Variants in NXPH1 observed in about 807,000 individuals in gnomAD.
The protein encoded by NXPH1 is neurexophilin 1.
NXPH1 carries 5 observed loss-of-function variants against 23.7 expected under a neutral mutation model. The ratio of observed to expected loss-of-function variants is 0.21; its 90% CI spans 0.11 to 0.44. The LOEUF is 0.44. Among genes scored for constraint, NXPH1 ranks in the 20% least tolerant of loss-of-function variants. The pLI is 0.99. For missense variants in NXPH1, 324 were observed against 321.6 expected (o/e 1.01, Z -0.06); for synonymous variants, 144 against 122.2 (o/e 1.18, Z -1.18).
chr7:8,547,837 TC>T (rs1182239650), intron 2 of NXPH1, among the ~76,000 whole-genome samples: 1 of 151,546 alleles, frequency 6.6e-6, no homozygotes, highest in Non-Finnish European at 1.5e-5. Flanking sequence ...AATTCTTTTT[TC>T]ATGGCTGCAT....
chr7:8,608,683 C>T (rs1226391477), intron 2 of NXPH1, among the ~76,000 whole-genome samples: 1 of 152,138 alleles, frequency 6.6e-6, no homozygotes, highest in South Asian at 2.1e-4. Flanking sequence ...TTTTGTGCGT[C>T]ATATGACACT....
At chr7:8,744,770 A>G in intron 2 of NXPH1, among the ~76,000 whole-genome samples, 1 of 152,068 alleles carries the variant, frequency 6.6e-6, no homozygotes, top group South Asian at 2.1e-4. Flanking sequence ...AGCTTTCTCA[A>G]CCTTTTTTAT....
intron 2 of NXPH1, among the ~76,000 whole-genome samples, chr7:8,448,381 A>C (rs1001844613): frequency 6.6e-6 from 1 of 152,238 alleles, no homozygotes; most frequent in Admixed American, 6.5e-5. Flanking sequence ...TGAATATGAC[A>C]CAGAAGGGCT....
intron 2 of NXPH1, among the ~76,000 whole-genome samples, chr7:8,734,981 A>G (rs1170223097): frequency 6.6e-6 from 1 of 152,198 alleles, no homozygotes. Flanking sequence ...TGATTTTTGC[A>G]CATTGATTTT....
intron 2 of NXPH1, among the ~76,000 whole-genome samples, chr7:8,582,252 C>T (rs770536067): frequency 2.6e-5 from 4 of 152,204 alleles, no homozygotes; most frequent in Non-Finnish European, 4.4e-5. Context: ...CTGAGAGCCT[C>T]CAGGTCTGGT....
chr7:8,642,633 A>AT (rs997025922), intron 2 of NXPH1, among the ~76,000 whole-genome samples: 1 of 151,950 alleles, frequency 6.6e-6, no homozygotes, highest in Non-Finnish European at 1.5e-5. Context: ...TTTTTTGTTG[A>AT]TTTTCTTGGA....
intron 2 of NXPH1, among the ~76,000 whole-genome samples, chr7:8,620,014 C>T (rs373881257): frequency 1.3e-5 from 2 of 152,134 alleles, no homozygotes; most frequent in Non-Finnish European, 1.5e-5. Context: ...TTTCCATCCA[C>T]GTACTGCTGT....
intron 2 of NXPH1, among the ~76,000 whole-genome samples, chr7:8,552,228 A>G (rs1226852176): frequency 7.3e-5 from 11 of 151,250 alleles, no homozygotes; most frequent in Non-Finnish European, 1.5e-4. Context: ...CAGGAGTACT[A>G]CTGCTGACAA....
rs778831003 is a variant in NXPH1 at position 8,442,804 on chromosome 7, C to T, written c.54+7037C>T. ...GCCCTCTCGCGTCCGGAGCCCAAGT[C>T]CCCATGCAAAAGCGCTGTTTCTGGG... On this transcript the variant is annotated intron_variant, in intron 2 of 2. Transcript: ENST00000405863. This position sits in a 1 kb window ranked among gnomAD's most constrained non-coding sequence, Gnocchi z 4.6. 2.0e-5 allele frequency among the ~76,000 whole-genome samples: 3 copies of T among 152,218 alleles called. No homozygotes were observed. The highest frequency in any genetic ancestry group is 4.4e-5 in the Non-Finnish European group (3 of 68,022).
chr7:8,730,670 C>A (rs980407275), intron 2 of NXPH1, among the ~76,000 whole-genome samples: 4 of 152,128 alleles, frequency 2.6e-5, no homozygotes, highest in African/African-American at 9.7e-5. Flanking sequence ...ATATTGGCCC[C>A]CACTCTCTTC....
At chr7:8,668,818 G>A (rs750731326) in intron 2 of NXPH1, among the ~76,000 whole-genome samples, 7 of 152,224 alleles carry the variant, frequency 4.6e-5, no homozygotes, top group Non-Finnish European at 1.0e-4. Context: ...CCTGGAGCCT[G>A]GGTCTGCAGG....
intron 2 of NXPH1, among the ~76,000 whole-genome samples, chr7:8,600,023 A>G (rs142850442): frequency 6.6e-6 from 1 of 152,176 alleles, no homozygotes; most frequent in East Asian, 1.9e-4. Context: ...TAGTTGAAGG[A>G]GGGAAGGTGG....
intron 2 of NXPH1, among the ~76,000 whole-genome samples, chr7:8,703,586 A>G (rs1779660092): frequency 6.6e-6 from 1 of 152,056 alleles, no homozygotes; most frequent in South Asian, 2.1e-4. Flanking sequence ...GTGGCGCTCA[A>G]TTAAATTATT....
At chr7:8,704,771 G>A (rs193140569) in intron 2 of NXPH1, among the ~76,000 whole-genome samples, 5 of 151,850 alleles carry the variant, frequency 3.3e-5, no homozygotes, top group Admixed American at 3.3e-4. Context: ...AGATAAAATT[G>A]TAGGTCTGGT....
intron 2 of NXPH1, among the ~76,000 whole-genome samples, chr7:8,647,779 G>GT (rs549118157): frequency 2.6e-3 from 367 of 139,166 alleles, no homozygotes; most frequent in African/African-American, 5.1e-3. Context: ...TAACCATTCG[G>GT]TTTTTTTTTT....
At chr7:8,496,508 T>C (rs1451125773) in intron 2 of NXPH1, among the ~76,000 whole-genome samples, 1 of 152,058 alleles carries the variant, frequency 6.6e-6, no homozygotes, top group African/African-American at 2.4e-5. Flanking sequence ...AGAAGAGCCT[T>C]GAGACCTGCC....
intron 2 of NXPH1, among the ~76,000 whole-genome samples, chr7:8,480,276 GA>G (rs1410509616): frequency 6.6e-6 from 1 of 152,014 alleles, no homozygotes; most frequent in African/African-American, 2.4e-5. Context: ...AAACAAAAGA[GA>G]AAAAAAGGTT....
intron 2 of NXPH1, among the ~76,000 whole-genome samples, chr7:8,640,816 G>T (rs966097571): frequency 1.3e-4 from 19 of 151,974 alleles, no homozygotes; most frequent in Non-Finnish European, 2.6e-4. Context: ...TATTAGCCAG[G>T]GTGGTGGCGA....
intron 2 of NXPH1, among the ~76,000 whole-genome samples, chr7:8,668,493 C>G (rs1218079136): frequency 6.6e-6 from 1 of 152,162 alleles, no homozygotes; most frequent in Non-Finnish European, 1.5e-5. Context: ...AAGCCTGATG[C>G]CTGGGTCCAT....
Sources: gnomAD v4.1 joint callset for allele counts (sites outside exome capture counted in the v4.1 genomes callset) on GRCh38, gnomAD v4.1.1 for gene constraint, Gnocchi (gnomAD v3.1) non-coding constraint, MANE v1.5 for transcripts, NCBI Gene and HGNC (gene_info 2026-07-23, HGNC 2026-07-21) for gene names.